The following TJP3 variants were observed in gnomAD, a reference collection of about 807,000 sequenced individuals.
TJP3 encodes tight junction protein ZO-3.
Under a neutral mutation model 104.2 loss-of-function variants are expected in TJP3, and 85 were observed. The ratio of observed to expected loss-of-function variants is 0.82; its 90% CI spans 0.68 to 0.98. The LOEUF (loss-of-function observed/expected upper bound fraction) is 0.98. Among genes scored for constraint, TJP3 ranks in the 50% least tolerant of loss-of-function variants. The pLI, the probability that TJP3 is intolerant of heterozygous loss-of-function variation, is 0.00. For missense variants in TJP3, 1,367 were observed against 1,322.8 expected, an observed-to-expected ratio of 1.03 and a Z score of -0.52; for synonymous variants, 550 against 550.6, an observed-to-expected ratio of 1.00 and a Z score of 0.02.
At position 3,746,495 on chromosome 19, in the gene TJP3, C is replaced by T. The variant is rs145007194; in HGVS notation, c.2021C>T (p.Ala674Val). 1.9e-5 allele frequency: 31 copies of T among 1,613,856 alleles called. No individual in the cohort carries two copies. In the East Asian group the frequency reaches 4.9e-4, roughly 26 times the overall value. Residue 674 changes from alanine (A) to valine (V), a missense_variant, in exon 17 of 21, where the codon GCG becomes GTG. By Grantham distance (64) the Ala-to-Val change is moderately conservative. Transcript: ENST00000541714. This position sits in a 1 kb window ranked among gnomAD's most constrained non-coding sequence, Gnocchi z 4.1. The stretch of plus-strand genomic sequence containing the variant: ...GCCGGCCTGGCCCAGGACAAGCATG[C>T]GCTCCTGGATGTGACCCCCTCCGCC... ...VRVIAEKDKH[A>V]LLDVTPSAIE... is the part of the protein sequence containing the mutation.
Position 3,750,618 on chromosome 19 carries a change from G to A in TJP3, c.2694G>A (p.Met898Ile), listed in dbSNP as rs533275867. 21 of 1,609,368 alleles carry A rather than the reference G, an allele frequency of 1.3e-5. No homozygotes were observed. Among genetic ancestry groups the A allele is most frequent in the East Asian group, 6.7e-5 (3 of 44,800 alleles). The change falls in exon 21 of 21, where the codon ATG (methionine) becomes ATA (isoleucine). Residue 898 changes from methionine (M) to isoleucine (I), a missense_variant. Met to Ile is a conservative substitution (Grantham distance 10, BLOSUM62 1). Coordinates refer to ENST00000541714, the MANE Select transcript of TJP3 (RefSeq NM_001267560.2). ...YEREALKKKF[M>I]RVHDAESSDE... ...GGGAAGCCCTGAAGAAAAAGTTTATGCGAGTACATGATGCGGAGTCCTCCG... is the reference window on the plus strand; with the variant it reads ...GGGAAGCCCTGAAGAAAAAGTTTATACGAGTACATGATGCGGAGTCCTCCG...
At chr19:3,750,485 C>T in intron 20 of TJP3, 97 bp from the exon 21 acceptor site, 1 of 1,061,172 alleles carries the variant, frequency 9.4e-7, no homozygotes, top group Non-Finnish European at 1.4e-6. Context: ...TTATCTCTGC[C>T]CACACCCACT....
In TJP3 at chr19:3,740,633, G is replaced by A. The variant is rs1318051865; in HGVS notation, c.1713G>A (p.Arg571=). ...GPGSSAGSNA[R]AEFWRLRGLR... Reference sequence around the variant, plus strand: ...GCTCCTCCGCGGGCTCCAATGCTCGGGCCGAGTTCTGGCGGCTGCGGGGTC... The same window carrying A: ...GCTCCTCCGCGGGCTCCAATGCTCGAGCCGAGTTCTGGCGGCTGCGGGGTC... Residue 571 remains arginine, a synonymous_variant, in exon 14 of 21, where the codon CGG becomes CGA. Coordinates refer to ENST00000541714, the MANE Select transcript of TJP3 (RefSeq NM_001267560.2). The A allele has an allele frequency of 6.3e-7, 1 of 1,595,988 alleles. No homozygotes were observed. The highest frequency in any genetic ancestry group is 8.5e-7 in the Non-Finnish European group (1 of 1,172,478).
chr19:3,715,540 T>C (rs987540320), intron 1 of TJP3, among the ~76,000 whole-genome samples: 8 of 152,090 alleles, frequency 5.3e-5, no homozygotes, highest in African/African-American at 1.7e-4. Flanking sequence ...GAGCAGGGCA[T>C]GGATATGAGA....
intron 1 of TJP3, among the ~76,000 whole-genome samples, chr19:3,727,205 T>A (rs1357877314): frequency 6.6e-6 from 1 of 151,782 alleles, no homozygotes; most frequent in Non-Finnish European, 1.5e-5. Flanking sequence ...CATGTAAGGC[T>A]GGGCGCGGTG....
intron 15 of TJP3, 143 bp from the exon 16 acceptor site, chr19:3,745,868 G>A: frequency 1.5e-6 from 1 of 676,950 alleles, no homozygotes; most frequent in South Asian, 1.8e-5. Flanking sequence ...TGGCCAACAT[G>A]AGTTTCTGCT....
At chr19:3,731,901 G>A (rs775340141) in intron 5 of TJP3, 34 bp from the exon 6 acceptor site, 3 of 1,593,494 alleles carry the variant, frequency 1.9e-6, no homozygotes, top group Non-Finnish European at 2.6e-6. Context: ...CGTCTCCAGA[G>A]TCCTGCCTCA....
intron 14 of TJP3, 46 bp downstream of exon 14, chr19:3,740,809 C>T: frequency 6.8e-7 from 1 of 1,467,620 alleles, no homozygotes; most frequent in Non-Finnish European, 9.1e-7. Context: ...TCACACACAG[C>T]TCCTGGTGCA....
intron 15 of TJP3, among the ~76,000 whole-genome samples, chr19:3,744,301 T>C (rs1205010234): frequency 6.6e-6 from 1 of 152,124 alleles, no homozygotes; most frequent in African/African-American, 2.4e-5. Context: ...TTAAGAGAAA[T>C]TTATTGATCT....
In TJP3 at chr19:3,730,131, G is replaced by GT. The variant is rs1568382129; in HGVS notation, c.261+2dup. ...GACCTGCACCAAGATGGCCAACATCGTGAGTAGGCAGCCCCTGGCATGGCC... is the reference window on the plus strand; with the variant it reads ...GACCTGCACCAAGATGGCCAACATCGTTGAGTAGGCAGCCCCTGGCATGGCC... On this transcript the variant is annotated splice_donor_variant, in intron 4 of 20. Transcript: ENST00000541714. LOFTEE classifies it high-confidence loss of function. This position sits in a 1 kb window ranked among gnomAD's most constrained non-coding sequence, Gnocchi z 7.3. 1 of 1,613,948 alleles carries GT rather than the reference G, an allele frequency of 6.2e-7. No individual in the cohort carries two copies. The highest frequency in any genetic ancestry group is 2.2e-5 in the East Asian group (1 of 44,870).
At chr19:3,734,232 C>T (rs1165441459) in intron 7 of TJP3, 95 bp from the exon 8 acceptor site, 1 of 1,323,466 alleles carries the variant, frequency 7.6e-7, no homozygotes, top group African/African-American at 1.5e-5. Context: ...GGTCTAGGGC[C>T]CTTTGTTTAG....
At chr19:3,711,538 T>C (rs1357628922) in intron 1 of TJP3, among the ~76,000 whole-genome samples, 1 of 150,556 alleles carries the variant, frequency 6.6e-6, no homozygotes, top group African/African-American at 2.4e-5. Flanking sequence ...CTGAAGACAT[T>C]TGGCTTTATG....
Position 3,743,939 on chromosome 19 carries a change from C to T in TJP3, c.1844C>T (p.Ala615Val). Residue 615 changes from alanine to valine, a missense_variant and splice_region_variant, in exon 15 of 21, where the codon GCC (alanine) becomes GTC (valine). Physicochemically the swap from Ala to Val is moderately conservative, Grantham distance 64 (BLOSUM62 0). Transcript: ENST00000541714. ...CTTTCACTGTGTCTCTACCCCTCAGCCAGTTTCAAGCGCCCGGTAGTGATC... is the reference window on the plus strand; with the variant it reads ...CTTTCACTGTGTCTCTACCCCTCAGTCAGTTTCAAGCGCCCGGTAGTGATC... ...PPYERVVLRE[A>V]SFKRPVVILG... 6.2e-7 allele frequency: 1 copy of T among 1,614,088 alleles called. No homozygotes were observed. Among genetic ancestry groups the T allele is most frequent in the Non-Finnish European group, 8.5e-7 (1 of 1,179,986 alleles).
chr19:3,748,655 G>A (rs1312548734), intron 19 of TJP3, among the ~76,000 whole-genome samples: 2 of 137,778 alleles, frequency 1.5e-5, no homozygotes, highest in Non-Finnish European at 3.1e-5. Flanking sequence ...CACAACCTCC[G>A]CCTCCCAGGT....
chr19:3,730,338 G>A lies in TJP3; in HGVS notation c.262-17G>A, dbSNP rs1274266043. The A allele has an allele frequency of 1.1e-5, 17 of 1,504,674 alleles. No individual in the cohort carries two copies. The highest frequency in any genetic ancestry group is 1.4e-5 in the Non-Finnish European group (16 of 1,124,624). The allele number at this position is 1,504,674 out of a possible 1,614,324, so 93.2% of individuals were successfully genotyped here. ...CCCTTGCCTGTAGCTGACCCTTCCT[G>A]TCCCCTCCTCTAACAGACAGTGAAA... On this transcript the variant is annotated splice_polypyrimidine_tract_variant and intron_variant, in intron 4 of 20. Transcript: ENST00000541714. The surrounding 1 kb of genome is among the most constrained non-coding windows in gnomAD (Gnocchi z 7.3).
At chr19:3,718,329 C>T (rs2036509154) in intron 1 of TJP3, among the ~76,000 whole-genome samples, 1 of 150,830 alleles carries the variant, frequency 6.6e-6, no homozygotes, top group South Asian at 2.1e-4. Flanking sequence ...GAGATCCTCC[C>T]GCCTCGGCCT....
chr19:3,713,925 C>T (rs2036454782), intron 1 of TJP3, among the ~76,000 whole-genome samples: 1 of 150,102 alleles, frequency 6.7e-6, no homozygotes, highest in Non-Finnish European at 1.5e-5. Flanking sequence ...CGGAGTTTCA[C>T]CGTGTTGGCC....
Position 3,735,898 on chromosome 19 carries a change from T to C in TJP3, c.1090T>C (p.Tyr364His). 2.5e-6 allele frequency: 4 copies of C among 1,614,118 alleles called. No homozygotes were observed. The highest frequency in any genetic ancestry group is 3.4e-6 in the Non-Finnish European group (4 of 1,180,010). ...ELPRESSYDI[Y>H]RVPSSQSMED... ...GCCCAGGGAAAGCAGCTATGACATC[T>C]ACAGAGTGCCCAGCAGTCAGAGCAT... Residue 364 changes from tyrosine to histidine, a missense_variant, in exon 10 of 21, where the codon TAC becomes CAC. Coordinates refer to ENST00000541714, the MANE Select transcript of TJP3 (RefSeq NM_001267560.2).
Position 3,725,508 on chromosome 19 carries a change from A to G in TJP3, c.-9-2916A>G, listed in dbSNP as rs982792152. On this transcript the variant is annotated intron_variant, in intron 1 of 20. Transcript: ENST00000541714. ...CCAGGTTCAAGACAGCCTGACCAAC[A>G]TGGTGAAACCCCGTCTCTACTAAAA... Among the ~76,000 whole-genome samples, 33 of 152,086 alleles carry G rather than the reference A, an allele frequency of 2.2e-4. No homozygotes were observed. In the South Asian group the frequency reaches 2.5e-3, roughly 11 times the overall value.
Sources: allele counts gnomAD v4.1 joint callset (sites outside exome capture counted in the v4.1 genomes callset), GRCh38; gene constraint gnomAD v4.1.1; non-coding constraint Gnocchi (gnomAD v3.1); transcripts MANE v1.5; gene names NCBI Gene and HGNC (gene_info 2026-07-23, HGNC 2026-07-21).